The following EPS8 variants were observed in gnomAD, a reference collection of about 807,000 sequenced individuals.
EPS8 encodes the protein EGFR pathway substrate 8, signaling adaptor, also known as epidermal growth factor receptor kinase substrate 8.
EPS8 carries 42 observed loss-of-function variants against 103.8 expected under a neutral mutation model. The observed-to-expected ratio is 0.40, with a 90% confidence interval of 0.32 to 0.52. EPS8 has a LOEUF of 0.52. Among genes scored for constraint, EPS8 ranks in the 20% least tolerant of loss-of-function variants. The probability of loss-of-function intolerance (pLI) is 0.40; values close to 1 mark genes in which losing one functional copy is unlikely to be tolerated. For missense variants in EPS8, 969 were observed against 1,005.1 expected (o/e 0.96, Z 0.49); for synonymous variants, 344 against 344.6 (o/e 1.00, Z 0.02).
In EPS8 at chr12:15,717,867, C is replaced by T. The variant is rs1334624502; in HGVS notation, c.-21-34895G>A. Reference sequence around the variant, plus strand: ...GTTTAGGAATGCATTAAGGGAAACACCACACAAACTTATTTGATTATGGAT... The same window carrying T: ...GTTTAGGAATGCATTAAGGGAAACATCACACAAACTTATTTGATTATGGAT... On this transcript the variant is annotated intron_variant, in intron 1 of 20. Coordinates refer to ENST00000281172, the MANE Select transcript of EPS8 (RefSeq NM_004447.6). The surrounding 1 kb of genome is among the most constrained non-coding windows in gnomAD (Gnocchi z 4.3). Among the ~76,000 whole-genome samples, 2 of 152,114 alleles carry T rather than the reference C, an allele frequency of 1.3e-5. No homozygotes were observed. Among genetic ancestry groups the T allele is most frequent in the African/African-American group, 2.4e-5 (1 of 41,432 alleles).
At position 15,735,054 on chromosome 12, in the gene EPS8, C is replaced by T. The variant is rs1946755281; in HGVS notation, c.-21-52082G>A. Among the ~76,000 whole-genome samples, 1 of 152,206 alleles carries T rather than the reference C, an allele frequency of 6.6e-6. No individual in the cohort carries two copies. On this transcript the variant is annotated intron_variant, in intron 1 of 20. Coordinates refer to ENST00000281172, the MANE Select transcript of EPS8 (RefSeq NM_004447.6). The surrounding 1 kb of genome is among the most constrained non-coding windows in gnomAD (Gnocchi z 4.4). ...GCCTGGAACCCTCACCACGACTTCA[C>T]ACTAACAGCATTTCATGGATAACTG...
intron 1 of EPS8, among the ~76,000 whole-genome samples, chr12:15,770,785 G>T (rs1207915490): frequency 6.6e-6 from 1 of 152,124 alleles, no homozygotes; most frequent in African/African-American, 2.4e-5. Context: ...TTTCAATTTA[G>T]GCTCAGTAAA....
At chr12:15,621,721 G>C (rs964897162) in intron 20 of EPS8, among the ~76,000 whole-genome samples, 2 of 152,174 alleles carry the variant, frequency 1.3e-5, no homozygotes, top group Non-Finnish European at 2.9e-5. Context: ...CTGAGAGAAA[G>C]AGGAAATGTG....
rs1403609199 is a variant in EPS8 at position 15,709,003 on chromosome 12, G to A, written c.-21-26031C>T. 2.0e-5 allele frequency among the ~76,000 whole-genome samples: 3 copies of A among 152,198 alleles called. No individual in the cohort carries two copies. The East Asian group carries it at 5.8e-4, about 29-fold the overall frequency. On this transcript the variant is annotated intron_variant, in intron 1 of 20. Coordinates refer to ENST00000281172, the MANE Select transcript of EPS8 (RefSeq NM_004447.6). ...GGGACAGCCTGATTCAGAGAGCCATGCCACACTTGTTTAGATTTCCAGTTG... is the reference window on the plus strand; with the variant it reads ...GGGACAGCCTGATTCAGAGAGCCATACCACACTTGTTTAGATTTCCAGTTG...
chr12:15,774,661 C>T (rs1353062339), intron 1 of EPS8, among the ~76,000 whole-genome samples: 2 of 146,150 alleles, frequency 1.4e-5, no homozygotes, highest in African/African-American at 2.5e-5. Context: ...AATATATATA[C>T]ACACATATAT....
intron 17 of EPS8, among the ~76,000 whole-genome samples, chr12:15,636,330 A>T (rs1257676720): frequency 6.6e-6 from 1 of 152,072 alleles, no homozygotes; most frequent in Non-Finnish European, 1.5e-5. Flanking sequence ...GGTTTATTCA[A>T]TCTTTTGTGT....
chr12:15,687,450 C>A (rs906458479), intron 1 of EPS8, among the ~76,000 whole-genome samples: 1 of 152,096 alleles, frequency 6.6e-6, no homozygotes, highest in African/African-American at 2.4e-5. Flanking sequence ...TTTAAGTCAA[C>A]ACAATAAAAT....
intron 18 of EPS8, among the ~76,000 whole-genome samples, chr12:15,628,540 T>C (rs1944988523): frequency 6.6e-6 from 1 of 152,184 alleles, no homozygotes; most frequent in South Asian, 2.1e-4. Flanking sequence ...GCAACTAAAG[T>C]TTGGCATCTT....
rs569339617 is a variant in EPS8, at chr12:15,635,476, C to A, written c.1822-3812G>T. 2.0e-5 allele frequency among the ~76,000 whole-genome samples: 3 copies of A among 152,166 alleles called. No homozygotes were observed. In the South Asian group the frequency reaches 6.2e-4, roughly 32 times the overall value. On this transcript the variant is annotated intron_variant, in intron 17 of 20. Transcript: ENST00000281172. Reference sequence around the variant, plus strand: ...AACTGAATATTATCAGGAGGTTGGCCTGGCTGGAAGAATATAAGCCATCTT... The same window carrying A: ...AACTGAATATTATCAGGAGGTTGGCATGGCTGGAAGAATATAAGCCATCTT...
At chr12:15,663,013 A>G (rs1015593520) in intron 8 of EPS8, among the ~76,000 whole-genome samples, 5 of 152,100 alleles carry the variant, frequency 3.3e-5, no homozygotes, top group Non-Finnish European at 5.9e-5. Context: ...AAAAAAAAAA[A>G]AAAGAAAGAA....
intron 8 of EPS8, chr12:15,662,528 C>A: frequency 1.0e-6 from 1 of 986,422 alleles, no homozygotes; most frequent in Non-Finnish European, 1.2e-6. Context: ...ACTGTGACTA[C>A]AATAAAGCTT....
chr12:15,653,030 C>T (rs1945441810), intron 13 of EPS8, among the ~76,000 whole-genome samples: 1 of 152,158 alleles, frequency 6.6e-6, no homozygotes, highest in African/African-American at 2.4e-5. Context: ...TCTTACCTTG[C>T]CTTGCTCAGC....
At chr12:15,663,941 A>AAAAAAAAAAAAAT (rs1945656439) in intron 8 of EPS8, among the ~76,000 whole-genome samples, 1 of 73,280 alleles carries the variant, frequency 1.4e-5, no homozygotes, top group African/African-American at 5.1e-5. Context: ...AAAAAAAAAA[A>AAAAAAAAAAAAAT]AAAAATAATA....
Position 15,716,337 on chromosome 12 carries a change from A to C in EPS8, c.-21-33365T>G, listed in dbSNP as rs924479687. Among the ~76,000 whole-genome samples, 1 of 152,218 alleles carries C rather than the reference A, an allele frequency of 6.6e-6. No homozygotes were observed. Among genetic ancestry groups the C allele is most frequent in the African/African-American group, 2.4e-5 (1 of 41,458 alleles). On this transcript the variant is annotated intron_variant, in intron 1 of 20. Transcript: ENST00000281172. This position sits in a 1 kb window ranked among gnomAD's most constrained non-coding sequence, Gnocchi z 5.0. ...CCTGAATTATCTATCAGTAAAGATG[A>C]TAATGAAGTCTTATGAAAGGCTAAT...
At chr12:15,754,206 C>T (rs1946961826) in intron 1 of EPS8, among the ~76,000 whole-genome samples, 1 of 151,660 alleles carries the variant, frequency 6.6e-6, no homozygotes, top group Admixed American at 6.6e-5. Flanking sequence ...GTTGGCCTGA[C>T]CTCAATTAAG....
chr12:15,658,666 G>A (rs1945550605), intron 10 of EPS8, 81 bp from the exon 11 acceptor site: 3 of 923,426 alleles, frequency 3.2e-6, no homozygotes, highest in Admixed American at 3.7e-5. Flanking sequence ...CCACATTTAT[G>A]TCTGTAAAGT....
At chr12:15,699,175 G>C (rs2135933448) in intron 1 of EPS8, among the ~76,000 whole-genome samples, 1 of 152,286 alleles carries the variant, frequency 6.6e-6, no homozygotes. Flanking sequence ...TAATACTTCT[G>C]TTCAGAAGAA....
Position 15,761,980 on chromosome 12 carries a change from C to T in EPS8, c.-22+27181G>A, listed in dbSNP as rs1443092838. Reference sequence around the variant, plus strand: ...ACCTTCTGAATAGCAAATGAAACAACAAAGTGAAGAGACAACCCACAGAAT... The same window carrying T: ...ACCTTCTGAATAGCAAATGAAACAATAAAGTGAAGAGACAACCCACAGAAT... On this transcript the variant is annotated intron_variant, in intron 1 of 20. Transcript: ENST00000281172. This position sits in a 1 kb window ranked among gnomAD's most constrained non-coding sequence, Gnocchi z 4.5. Among the ~76,000 whole-genome samples the T allele has an allele frequency of 6.6e-6, 1 of 151,750 alleles. No individual in the cohort carries two copies. Among genetic ancestry groups the T allele is most frequent in the East Asian group, 1.9e-4 (1 of 5,170 alleles).
chr12:15,667,975 C>CA (rs1565489815), intron 6 of EPS8, among the ~76,000 whole-genome samples: 1 of 151,354 alleles, frequency 6.6e-6, no homozygotes, highest in African/African-American at 2.4e-5. Context: ...TTTTAGCTCC[C>CA]GGGGGGGGCT....
Sources: allele counts gnomAD v4.1 joint callset (sites outside exome capture counted in the v4.1 genomes callset), GRCh38; gene constraint gnomAD v4.1.1; non-coding constraint Gnocchi (gnomAD v3.1); transcripts MANE v1.5; gene names NCBI Gene and HGNC (gene_info 2026-07-23, HGNC 2026-07-21).